Variants in GMDS observed in about 807,000 individuals in gnomAD.
GMDS encodes the protein GDP-mannose 4,6-dehydratase.
In GMDS, 20 loss-of-function variants were observed where a neutral mutation model predicts 49.9. That is an observed-to-expected ratio of 0.40 (90% CI 0.28 to 0.58). The LOEUF (loss-of-function observed/expected upper bound fraction) is 0.58, where lower values mean the gene tolerates loss of function less well. GMDS is among the 20% of genes least tolerant of loss of function. GMDS has a pLI of 0.42. For missense variants in GMDS, 362 were observed against 481.4 expected, an observed-to-expected ratio of 0.75 and a Z score of 2.32; for synonymous variants, 177 against 178.6, an observed-to-expected ratio of 0.99 and a Z score of 0.07.
chr6:1,993,810 TATC>T (rs1766106032), intron 4 of GMDS, among the ~76,000 whole-genome samples: 1 of 151,900 alleles, frequency 6.6e-6, no homozygotes, highest in Non-Finnish European at 1.5e-5. Context: ...GACAAAGACT[TATC>T]ATCAGCCACG....
chr6:1,750,225 G>A (rs1204330239), intron 7 of GMDS, among the ~76,000 whole-genome samples: 1 of 151,816 alleles, frequency 6.6e-6, no homozygotes, highest in African/African-American at 2.4e-5. Context: ...GATTTCAGAG[G>A]GTTTCAAAAA....
intron 7 of GMDS, among the ~76,000 whole-genome samples, chr6:1,797,903 T>C (rs146280018): frequency 6.6e-6 from 1 of 152,378 alleles, no homozygotes; most frequent in Non-Finnish European, 1.5e-5. Flanking sequence ...AGTCAAGGCA[T>C]CTGCACTTTG....
At chr6:1,916,778 C>T (rs1230395976) in intron 7 of GMDS, among the ~76,000 whole-genome samples, 1 of 152,146 alleles carries the variant, frequency 6.6e-6, no homozygotes, top group Non-Finnish European at 1.5e-5. Context: ...GCTTTGTTTT[C>T]CCAGAGGCCC....
intron 8 of GMDS, among the ~76,000 whole-genome samples, chr6:1,735,849 T>C (rs540658274): frequency 6.6e-6 from 1 of 152,264 alleles, no homozygotes; most frequent in Admixed American, 6.5e-5. Context: ...AATAATGTGT[T>C]CTTATTAATT....
chr6:1,823,676 AT>A (rs1770986921), intron 7 of GMDS, among the ~76,000 whole-genome samples: 1 of 152,100 alleles, frequency 6.6e-6, no homozygotes, highest in Non-Finnish European at 1.5e-5. Context: ...TTTCCAGTAA[AT>A]TTACCCACTA....
At chr6:1,667,695 T>A (rs1764278298) in intron 9 of GMDS, among the ~76,000 whole-genome samples, 1 of 99,848 alleles carries the variant, frequency 1.0e-5, no homozygotes, top group South Asian at 3.8e-4. Context: ...CACTTTTGTA[T>A]TTTTTTTTCT....
chr6:1,680,280 T>C (rs1004713533), intron 9 of GMDS, among the ~76,000 whole-genome samples: 23 of 152,196 alleles, frequency 1.5e-4, no homozygotes, highest in African/African-American at 4.3e-4. Context: ...ATCCACCTGC[T>C]TCCTCGTGGC....
At chr6:1,933,386 T>C (rs954006018) in intron 6 of GMDS, among the ~76,000 whole-genome samples, 6 of 152,240 alleles carry the variant, frequency 3.9e-5, no homozygotes, top group African/African-American at 1.2e-4. Flanking sequence ...TTTAGGTATA[T>C]ACCTAGGGGT....
intron 1 of GMDS, among the ~76,000 whole-genome samples, chr6:2,141,777 T>C (rs996343775): frequency 1.3e-5 from 2 of 152,188 alleles, no homozygotes; most frequent in Non-Finnish European, 1.5e-5. Flanking sequence ...CCACACACTG[T>C]GGCCCTGCCA....
At chr6:2,171,214 C>T (rs1777989841) in intron 1 of GMDS, among the ~76,000 whole-genome samples, 1 of 152,000 alleles carries the variant, frequency 6.6e-6, no homozygotes, top group African/African-American at 2.4e-5. Context: ...GTCTGAGGAG[C>T]TTAATAAAAT....
At chr6:2,108,039 TA>T (rs1238095801) in intron 4 of GMDS, among the ~76,000 whole-genome samples, 1 of 152,188 alleles carries the variant, frequency 6.6e-6, no homozygotes, top group Non-Finnish European at 1.5e-5. Context: ...AACATCATAA[TA>T]AACTATATCG....
intron 7 of GMDS, among the ~76,000 whole-genome samples, chr6:1,743,152 GTAC>G (rs1312313473): frequency 2.0e-5 from 3 of 152,140 alleles, no homozygotes; most frequent in Admixed American, 1.3e-4. Context: ...GTAATGGAGA[GTAC>G]TACTATTATA....
In GMDS at chr6:2,087,140, C is replaced by A. The variant is rs141662804; in HGVS notation, c.345+28631G>T. On this transcript the variant is annotated intron_variant, in intron 4 of 10. Coordinates refer to ENST00000380815, the MANE Select transcript of GMDS (RefSeq NM_001500.4). ...GTATTGTTCTCACACAACATAGATG[C>A]CACCAACCAGAACGAATTGCTTTGG... Among the ~76,000 whole-genome samples the A allele has an allele frequency of 2.3e-4, 35 of 152,240 alleles. No homozygotes were observed. In the East Asian group the frequency reaches 6.6e-3, roughly 28 times the overall value.
chr6:2,150,693 T>C (rs1428288538), intron 1 of GMDS, among the ~76,000 whole-genome samples: 1 of 152,228 alleles, frequency 6.6e-6, no homozygotes, highest in African/African-American at 2.4e-5. Context: ...AACTAAAGAA[T>C]ATTTAAAAGA....
chr6:2,201,865 A>C (rs2127576789), intron 1 of GMDS, among the ~76,000 whole-genome samples: 1 of 137,070 alleles, frequency 7.3e-6, no homozygotes, highest in South Asian at 2.8e-4. Context: ...TGGGCATCCG[A>C]GATGAAACCA....
intron 7 of GMDS, among the ~76,000 whole-genome samples, chr6:1,874,379 C>T (rs930294612): frequency 7.6e-4 from 115 of 152,272 alleles, no homozygotes; most frequent in African/African-American, 2.6e-3. Flanking sequence ...TCCCCTTATA[C>T]TCAAGTACTA....
chr6:1,626,545 CAG>C (rs1762853734), intron 9 of GMDS, among the ~76,000 whole-genome samples: 2 of 152,252 alleles, frequency 1.3e-5, no homozygotes, highest in South Asian at 4.1e-4. Context: ...TCTTTTTCCC[CAG>C]AGGAAGCTGT....
intron 9 of GMDS, among the ~76,000 whole-genome samples, chr6:1,670,675 A>G (rs551618636): frequency 5.3e-5 from 8 of 152,214 alleles, no homozygotes; most frequent in South Asian, 2.1e-4. Context: ...CTCTAAATAT[A>G]TTCTTCCTAA....
chr6:2,120,343 CT>C (rs36118361), intron 2 of GMDS, among the ~76,000 whole-genome samples: 2 of 151,778 alleles, frequency 1.3e-5, no homozygotes, highest in Admixed American at 1.3e-4. Context: ...AAAGCTTAGC[CT>C]TTTTTTTAAT....
Sources: gnomAD v4.1 joint callset for allele counts (sites outside exome capture counted in the v4.1 genomes callset) on GRCh38, gnomAD v4.1.1 for gene constraint, MANE v1.5 for transcripts, NCBI Gene and HGNC (gene_info 2026-07-23, HGNC 2026-07-21) for gene names.